The following MEF2A variants were observed in gnomAD, a reference collection of about 807,000 sequenced individuals.
The protein encoded by MEF2A is myocyte-specific enhancer factor 2A.
A neutral mutation model predicts 55.8 loss-of-function variants in MEF2A; 28 were observed. The observed-to-expected ratio is 0.50, with a 90% CI of 0.37 to 0.69. MEF2A has a LOEUF of 0.69. Ranked by LOEUF, MEF2A falls within the 30% of genes least tolerant of loss-of-function variation. The pLI is 0.00. For synonymous variants in MEF2A, 239 were observed against 227.1 expected, an observed-to-expected ratio of 1.05 and a Z score of -0.47; for missense variants, 528 against 626.2, an observed-to-expected ratio of 0.84 and a Z score of 1.67.
At chr15:99,696,825 C>G (rs325388) in intron 8 of MEF2A, among the ~76,000 whole-genome samples, 144,157 of 151,944 alleles carry the variant, frequency 0.95, 68,837 homozygotes, top group East Asian at 1. Context: ...CATTACCCCG[C>G]TGCAAAACCA....
intron 2 of MEF2A, among the ~76,000 whole-genome samples, chr15:99,626,729 T>G (rs1423144051): frequency 1.3e-5 from 2 of 152,172 alleles, no homozygotes; most frequent in African/African-American, 4.8e-5. Flanking sequence ...TACATGAATT[T>G]GGGGAGAATT....
At chr15:99,683,849 C>T (rs1352652927) in intron 7 of MEF2A, among the ~76,000 whole-genome samples, 1 of 151,984 alleles carries the variant, frequency 6.6e-6, no homozygotes, top group Non-Finnish European at 1.5e-5. Context: ...GTCTTTTATG[C>T]CTCACTCCCT....
intron 8 of MEF2A, among the ~76,000 whole-genome samples, chr15:99,698,462 G>A (rs1012855490): frequency 1.3e-5 from 2 of 152,148 alleles, no homozygotes; most frequent in African/African-American, 4.8e-5. Flanking sequence ...AACCTAATGA[G>A]ATATAACTGC....
At chr15:99,572,629 C>T (rs1223918622) in intron 1 of MEF2A, among the ~76,000 whole-genome samples, 1 of 152,148 alleles carries the variant, frequency 6.6e-6, no homozygotes, top group Non-Finnish European at 1.5e-5. Flanking sequence ...TATCTTTGTT[C>T]CTGTTTTTTG....
At chr15:99,653,070 A>G (rs916795722) in intron 4 of MEF2A, among the ~76,000 whole-genome samples, 1 of 152,244 alleles carries the variant, frequency 6.6e-6, no homozygotes, top group African/African-American at 2.4e-5. Flanking sequence ...CATTAAGCAT[A>G]TAACTATTAT....
intron 2 of MEF2A, among the ~76,000 whole-genome samples, chr15:99,629,231 G>A (rs916406381): frequency 6.6e-6 from 1 of 152,048 alleles, no homozygotes; most frequent in African/African-American, 2.4e-5. Context: ...TCAGGAGATC[G>A]AGACCGTCCT....
At chr15:99,698,897 A>C (rs1254218850) in intron 8 of MEF2A, among the ~76,000 whole-genome samples, 2 of 152,054 alleles carry the variant, frequency 1.3e-5, no homozygotes, top group Non-Finnish European at 2.9e-5. Context: ...CACTTTGAAG[A>C]GTTGGTCAGT....
intron 1 of MEF2A, among the ~76,000 whole-genome samples, chr15:99,593,967 C>T (rs1199440166): frequency 6.6e-6 from 1 of 152,114 alleles, no homozygotes; most frequent in Non-Finnish European, 1.5e-5. Context: ...ACACCACTCA[C>T]CACAGGATAC....
In MEF2A at chr15:99,615,474, C is replaced by T. The variant is rs148408882; in HGVS notation, c.-143+16963C>T. Among the ~76,000 whole-genome samples, 556 of 152,252 alleles carry T rather than the reference C, an allele frequency of 3.7e-3. 2 individuals carry two copies. Among genetic ancestry groups the T allele is most frequent in the Non-Finnish European group, 5.2e-3 (352 of 68,024 alleles). ...GGTAATAATAATGGCCAACATTGAG[C>T]ACATGTGCAGATTACTAGGCCAAAT... On this transcript the variant is annotated intron_variant, in intron 2 of 11. Transcript: ENST00000557942.
chr15:99,565,632 C>T (rs771403953), upstream of MEF2A: 16 of 152,338 alleles, frequency 1.1e-4, 1 homozygote, highest in Admixed American at 3.9e-4. Flanking sequence ...AACCCGCGGC[C>T]CCGGCGCCAA....
At chr15:99,567,485 C>T (rs1960174823) in intron 1 of MEF2A, among the ~76,000 whole-genome samples, 1 of 152,108 alleles carries the variant, frequency 6.6e-6, no homozygotes, top group African/African-American at 2.4e-5. Flanking sequence ...TCTGTGTTAC[C>T]TTGGCAGTTC....
At chr15:99,628,464 C>T (rs1166820192) in intron 2 of MEF2A, among the ~76,000 whole-genome samples, 1 of 152,078 alleles carries the variant, frequency 6.6e-6, no homozygotes, top group African/African-American at 2.4e-5. Flanking sequence ...TGGATTAAAT[C>T]TGTCATCTCT....
Position 99,684,499 on chromosome 15 carries a change from T to G in MEF2A, c.671-5742T>G, listed in dbSNP as rs149793538. Among the ~76,000 whole-genome samples the G allele has an allele frequency of 8.5e-3, 1,302 of 152,368 alleles. 12 individuals are homozygous for G. The highest frequency in any genetic ancestry group is 8.0e-3 in the Non-Finnish European group (546 of 68,024). ...GCATTTTTCGTATGTCTTTTGGCAA[T>G]TTGTGTATCTGCTTTTGAGAATTGT... On this transcript the variant is annotated intron_variant, in intron 7 of 11. Coordinates refer to ENST00000557942, the MANE Select transcript of MEF2A (RefSeq NM_001319206.4).
intron 2 of MEF2A, among the ~76,000 whole-genome samples, chr15:99,621,641 T>C (rs545166358): frequency 6.6e-6 from 1 of 152,218 alleles, no homozygotes. Context: ...TTAGCCCTGA[T>C]GTATGAGTCT....
chr15:99,664,194 A>C (rs1374132986), intron 4 of MEF2A, among the ~76,000 whole-genome samples: 1 of 152,204 alleles, frequency 6.6e-6, no homozygotes, highest in East Asian at 1.9e-4. Flanking sequence ...ATAATGTGTT[A>C]CCTAAAGGAT....
chr15:99,573,671 C>G (rs1040504525), intron 1 of MEF2A, among the ~76,000 whole-genome samples: 2 of 152,154 alleles, frequency 1.3e-5, no homozygotes, highest in Admixed American at 1.3e-4. Context: ...GAGGGGGGAA[C>G]CTTATGGAAA....
intron 4 of MEF2A, among the ~76,000 whole-genome samples, chr15:99,667,098 A>G (rs1002252440): frequency 1.1e-4 from 16 of 152,310 alleles, no homozygotes; most frequent in Admixed American, 9.2e-4. Flanking sequence ...ACTTGCTCCA[A>G]TAATAAGTTC....
At position 99,570,141 on chromosome 15, in the gene MEF2A, G is replaced by A. The variant is rs182389536; in HGVS notation, c.-225+4037G>A. Among the ~76,000 whole-genome samples, 188 of 152,158 alleles carry A rather than the reference G, an allele frequency of 1.2e-3. 1 individual carries two copies. The highest frequency in any genetic ancestry group is 1.5e-3 in the Non-Finnish European group (104 of 67,976). On this transcript the variant is annotated intron_variant, in intron 1 of 11. Coordinates refer to ENST00000557942, the MANE Select transcript of MEF2A (RefSeq NM_001319206.4). ...ATGAGTTAAAAATATTAGCTCCTTT[G>A]TGAGGTGGAATACCATATTTAAACA...
At position 99,608,918 on chromosome 15, in the gene MEF2A, G is replaced by A. The variant is rs139091706; in HGVS notation, c.-143+10407G>A. Among the ~76,000 whole-genome samples the A allele has an allele frequency of 3.2e-3, 485 of 151,984 alleles. 4 individuals are homozygous for A. Among genetic ancestry groups the A allele is most frequent in the African/African-American group, 0.011 (470 of 41,482 alleles). On this transcript the variant is annotated intron_variant, in intron 2 of 11. Coordinates refer to ENST00000557942, the MANE Select transcript of MEF2A (RefSeq NM_001319206.4). ...CTCCGTCTCAAAAAAAAAAAAGAAG[G>A]TGCTATTTTGTTGTTCTGATTTTAG...
Sources: allele counts gnomAD v4.1 joint callset (sites outside exome capture counted in the v4.1 genomes callset), GRCh38; gene constraint gnomAD v4.1.1; transcripts MANE v1.5; gene names NCBI Gene and HGNC (gene_info 2026-07-23, HGNC 2026-07-21).